ZNF385D: variants seen among roughly 807,000 people sequenced by gnomAD.
ZNF385D encodes zinc finger protein 385D.
A neutral mutation model predicts 35.8 loss-of-function variants in ZNF385D; 15 were observed. That is an observed-to-expected ratio of 0.42 (90% CI 0.28 to 0.64). The LOEUF is 0.64. Ranked by LOEUF, ZNF385D falls within the 30% of genes least tolerant of loss-of-function variation. The probability of loss-of-function intolerance (pLI) is 0.23; values close to 1 mark genes in which losing one functional copy is unlikely to be tolerated. For synonymous variants in ZNF385D, 212 were observed against 186.8 expected (o/e 1.13, Z -1.10); for missense variants, 474 against 494.6 (o/e 0.96, Z 0.39).
At chr3:22,285,825 A>G (rs1301314183) in intron 2 of ZNF385D, among the ~76,000 whole-genome samples, 1 of 152,118 alleles carries the variant, frequency 6.6e-6, no homozygotes, top group African/African-American at 2.4e-5. Context: ...CACTCAACTG[A>G]CAGTGTCCCT....
intron 3 of ZNF385D, among the ~76,000 whole-genome samples, chr3:21,908,960 A>G (rs919085279): frequency 2.0e-5 from 3 of 152,102 alleles, no homozygotes; most frequent in Non-Finnish European, 4.4e-5. Flanking sequence ...CACAAGTCTT[A>G]TAGCCTATTA....
chr3:21,555,954 T>C (rs1409558660), intron 3 of ZNF385D, among the ~76,000 whole-genome samples: 1 of 152,202 alleles, frequency 6.6e-6, no homozygotes, highest in African/African-American at 2.4e-5. Flanking sequence ...TGCATTTCTC[T>C]AGTGACCAGT....
At chr3:21,730,264 A>G (rs531418895) in intron 1 of ZNF385D, among the ~76,000 whole-genome samples, 1 of 152,324 alleles carries the variant, frequency 6.6e-6, no homozygotes, top group African/African-American at 2.4e-5. Context: ...AAAAACACAG[A>G]TGAGCCTTAA....
At chr3:21,959,785 A>C (rs1319226876) in intron 3 of ZNF385D, among the ~76,000 whole-genome samples, 1 of 152,156 alleles carries the variant, frequency 6.6e-6, no homozygotes, top group Non-Finnish European at 1.5e-5. Flanking sequence ...GGCAAAATAG[A>C]GAATCTGACC....
At chr3:21,712,085 G>C (rs1294641111) in intron 1 of ZNF385D, among the ~76,000 whole-genome samples, 2 of 129,940 alleles carry the variant, frequency 1.5e-5, no homozygotes, top group African/African-American at 3.2e-5. Flanking sequence ...TCTGCTACCA[G>C]CTACCACCAC....
At chr3:21,552,673 C>T (rs1330577068) in intron 3 of ZNF385D, among the ~76,000 whole-genome samples, 2 of 152,082 alleles carry the variant, frequency 1.3e-5, no homozygotes, top group Non-Finnish European at 2.9e-5. Flanking sequence ...ACCAAAGAAA[C>T]TGCAATGAGT....
At chr3:22,120,395 C>T (rs957738416) in intron 3 of ZNF385D, among the ~76,000 whole-genome samples, 1 of 152,038 alleles carries the variant, frequency 6.6e-6, no homozygotes, top group Non-Finnish European at 1.5e-5. Flanking sequence ...TATGAGGACA[C>T]CAGTCATGTT....
In ZNF385D at chr3:21,425,667, G is replaced by C; in HGVS notation, c.677C>G (p.Thr226Ser). The change falls in exon 6 of 8, where the codon ACT becomes AGT. Residue 226 changes from threonine (T) to serine (S), a missense_variant. Transcript: ENST00000281523. The part of the protein sequence containing the change: ...ASQLEAHNSG[T>S]KHKTMLEARN... ...GGCTTCTAACATGGTTTTGTGCTTA[G>C]TACCTGTCAGGAATATTGAAATGAA... 1 of 1,545,030 alleles carries C rather than the reference G, an allele frequency of 6.5e-7. No homozygotes were observed. Among genetic ancestry groups the C allele is most frequent in the South Asian group, 1.2e-5 (1 of 82,500 alleles).
At chr3:21,681,870 T>C (rs144151471) in intron 1 of ZNF385D, among the ~76,000 whole-genome samples, 2,341 of 151,246 alleles carry the variant, frequency 0.015, 63 homozygotes, top group African/African-American at 0.053. Flanking sequence ...GGCTCAGGTA[T>C]TGAAAACATG....
chr3:22,108,965 T>C (rs1702368839), intron 3 of ZNF385D, among the ~76,000 whole-genome samples: 1 of 152,222 alleles, frequency 6.6e-6, no homozygotes, highest in South Asian at 2.1e-4. Context: ...TGAGCCAAGA[T>C]TACACCACTG....
chr3:22,280,810 C>A (rs1016482813), intron 2 of ZNF385D, among the ~76,000 whole-genome samples: 1 of 151,730 alleles, frequency 6.6e-6, no homozygotes, highest in Non-Finnish European at 1.5e-5. Context: ...GGAATGATTG[C>A]GGTATTTTGA....
chr3:21,753,054 A>T (rs964174496), upstream of ZNF385D, among the ~76,000 whole-genome samples: 1 of 152,164 alleles, frequency 6.6e-6, no homozygotes, highest in Non-Finnish European at 1.5e-5. Context: ...GGAGATTTGA[A>T]ACATTAAAGG....
intron 2 of ZNF385D, among the ~76,000 whole-genome samples, chr3:22,360,088 C>G (rs1174245449): frequency 6.6e-6 from 1 of 151,878 alleles, no homozygotes; most frequent in Non-Finnish European, 1.5e-5. Context: ...TAAAAAATCT[C>G]CTCTTTGGTA....
chr3:22,065,241 AAGAAGCACTGATAG>A (rs2125549780), intron 3 of ZNF385D, among the ~76,000 whole-genome samples: 1 of 152,320 alleles, frequency 6.6e-6, no homozygotes, highest in South Asian at 2.1e-4. Flanking sequence ...GATTTGCCAA[AAGAAGCACTGATAG>A]AGAATGAGGA....
intron 4 of ZNF385D, chr3:21,443,404 C>A (rs1701965809): frequency 1.0e-6 from 1 of 967,584 alleles, no homozygotes; most frequent in Non-Finnish European, 1.2e-6. Context: ...ATGCTCGGTC[C>A]TGAAAATTTT....
intron 1 of ZNF385D, among the ~76,000 whole-genome samples, chr3:21,710,527 G>C (rs1208685022): frequency 6.6e-6 from 1 of 152,090 alleles, no homozygotes. Flanking sequence ...ATGCCACAAT[G>C]CATATTGGTG....
At chr3:22,072,581 A>C (rs554438218) in intron 3 of ZNF385D, among the ~76,000 whole-genome samples, 3 of 152,154 alleles carry the variant, frequency 2.0e-5, no homozygotes, top group South Asian at 2.1e-4. Context: ...AATGATTTTC[A>C]AATTTAAGGT....
intron 4 of ZNF385D, among the ~76,000 whole-genome samples, chr3:21,455,854 A>G (rs1702773613): frequency 6.6e-6 from 1 of 152,174 alleles, no homozygotes; most frequent in African/African-American, 2.4e-5. Flanking sequence ...ACAAAGGGCT[A>G]ATATCCAGAA....
At chr3:21,525,257 A>G (rs979615161) in intron 3 of ZNF385D, among the ~76,000 whole-genome samples, 2 of 152,192 alleles carry the variant, frequency 1.3e-5, no homozygotes, top group Non-Finnish European at 2.9e-5. Context: ...CAGTTTTTAA[A>G]TTGACCTCTT....
Sources: gnomAD v4.1 joint callset for allele counts (sites outside exome capture counted in the v4.1 genomes callset) on GRCh38, gnomAD v4.1.1 for gene constraint, MANE v1.5 for transcripts, NCBI Gene and HGNC (gene_info 2026-07-23, HGNC 2026-07-21) for gene names.